Variants in FBXL7 observed in about 807,000 individuals in gnomAD.
FBXL7 encodes the protein F-box and leucine rich repeat protein 7.
Under a neutral mutation model 38.3 loss-of-function variants are expected in FBXL7, and 12 were observed. The ratio of observed to expected loss-of-function variants is 0.31; its 90% CI spans 0.20 to 0.51. The LOEUF is 0.51. Among genes scored for constraint, FBXL7 ranks in the 20% least tolerant of loss-of-function variants. The pLI is 0.98. For missense variants in FBXL7, 567 were observed against 676.4 expected (o/e 0.84, Z 1.79); for synonymous variants, 297 against 300.9 (o/e 0.99, Z 0.13).
chr5:15,890,307 G>A (rs557180938), intron 2 of FBXL7, among the ~76,000 whole-genome samples: 5 of 151,892 alleles, frequency 3.3e-5, no homozygotes, highest in South Asian at 2.1e-4. Flanking sequence ...AGGCTGGATC[G>A]CAGCACAATC....
At chr5:15,725,741 A>G (rs1038081234) in intron 2 of FBXL7, among the ~76,000 whole-genome samples, 5 of 152,032 alleles carry the variant, frequency 3.3e-5, no homozygotes, top group African/African-American at 1.2e-4. Context: ...TGTTCAAGCA[A>G]TTCTCTGCCT....
At chr5:15,541,689 C>T (rs1264905441) in intron 1 of FBXL7, among the ~76,000 whole-genome samples, 5 of 150,816 alleles carry the variant, frequency 3.3e-5, no homozygotes, top group Non-Finnish European at 7.4e-5. Flanking sequence ...GGATTACAGG[C>T]GCCCGCCACC....
At chr5:15,542,720 C>G (rs756144157) in intron 1 of FBXL7, among the ~76,000 whole-genome samples, 2 of 152,112 alleles carry the variant, frequency 1.3e-5, no homozygotes, top group African/African-American at 2.4e-5. Flanking sequence ...TCTATAAGAC[C>G]TTTTGCATGT....
intron 2 of FBXL7, among the ~76,000 whole-genome samples, chr5:15,738,140 G>A (rs930633067): frequency 6.6e-6 from 1 of 152,112 alleles, no homozygotes; most frequent in Non-Finnish European, 1.5e-5. Flanking sequence ...AATTAACACC[G>A]ACTCTACAGA....
chr5:15,704,663 T>C (rs78819322), intron 2 of FBXL7, among the ~76,000 whole-genome samples: 20 of 152,366 alleles, frequency 1.3e-4, no homozygotes, highest in African/African-American at 4.8e-4. Flanking sequence ...TTAAATACTA[T>C]TGCAAACAAG....
chr5:15,718,177 T>C (rs1744096246), intron 2 of FBXL7, among the ~76,000 whole-genome samples: 1 of 152,176 alleles, frequency 6.6e-6, no homozygotes, highest in African/African-American at 2.4e-5. Context: ...GCCGTGTATA[T>C]ATGTAAATGA....
At chr5:15,511,327 C>G (rs1736791175) in intron 1 of FBXL7, among the ~76,000 whole-genome samples, 1 of 152,138 alleles carries the variant, frequency 6.6e-6, no homozygotes, top group South Asian at 2.1e-4. Flanking sequence ...GAAAGTAGAG[C>G]TGAGAGGGTG....
intron 3 of FBXL7, chr5:15,935,263 G>C (rs772335729): frequency 1.9e-6 from 1 of 534,296 alleles, no homozygotes; most frequent in African/African-American, 1.9e-5. Flanking sequence ...TTGCACAGGG[G>C]CAAGCTTCGA....
chr5:15,567,857 TG>T (rs1471629515), intron 1 of FBXL7, among the ~76,000 whole-genome samples: 1 of 152,156 alleles, frequency 6.6e-6, no homozygotes, highest in African/African-American at 2.4e-5. Flanking sequence ...TTTGGTTTTT[TG>T]TCCTTGCGAT....
chr5:15,844,968 C>T (rs918168063), intron 2 of FBXL7, among the ~76,000 whole-genome samples: 2 of 152,166 alleles, frequency 1.3e-5, no homozygotes, highest in African/African-American at 2.4e-5. Context: ...TTCCTTAAGC[C>T]ACTGTGGCCT....
At chr5:15,711,167 G>T (rs1349880425) in intron 2 of FBXL7, among the ~76,000 whole-genome samples, 1 of 152,106 alleles carries the variant, frequency 6.6e-6, no homozygotes, top group Non-Finnish European at 1.5e-5. Flanking sequence ...AACTTATTTT[G>T]TGAATTGCCC....
intron 1 of FBXL7, among the ~76,000 whole-genome samples, chr5:15,561,427 G>A (rs2126437640): frequency 6.6e-6 from 1 of 152,184 alleles, no homozygotes; most frequent in East Asian, 1.9e-4. Context: ...GTATTCCGTT[G>A]TATAAATGCA....
intron 2 of FBXL7, among the ~76,000 whole-genome samples, chr5:15,879,379 C>T (rs953039177): frequency 6.6e-6 from 1 of 152,146 alleles, no homozygotes; most frequent in Non-Finnish European, 1.5e-5. Flanking sequence ...ATGAAGAACA[C>T]GTGTCCCTAG....
chr5:15,528,224 C>T (rs1737308966), intron 1 of FBXL7, among the ~76,000 whole-genome samples: 1 of 152,146 alleles, frequency 6.6e-6, no homozygotes, highest in African/African-American at 2.4e-5. Flanking sequence ...AGGGAAACTT[C>T]TCCTATGGAC....
chr5:15,525,299 G>T (rs1284629400), intron 1 of FBXL7, among the ~76,000 whole-genome samples: 1 of 152,042 alleles, frequency 6.6e-6, no homozygotes, highest in Non-Finnish European at 1.5e-5. Context: ...GACAATACTG[G>T]GAAGGCATCT....
intron 2 of FBXL7, among the ~76,000 whole-genome samples, chr5:15,823,813 C>T (rs1330492643): frequency 1.3e-5 from 2 of 152,294 alleles, no homozygotes; most frequent in South Asian, 2.1e-4. Flanking sequence ...TCAGTGACTC[C>T]TCAAAGACCC....
chr5:15,653,213 A>G (rs1268088231), intron 2 of FBXL7, among the ~76,000 whole-genome samples: 10 of 152,232 alleles, frequency 6.6e-5, no homozygotes, highest in African/African-American at 1.9e-4. Flanking sequence ...TTATGAAAAT[A>G]TAAGAGAAAA....
At chr5:15,916,445 G>A (rs542126284) in intron 2 of FBXL7, among the ~76,000 whole-genome samples, 3 of 152,234 alleles carry the variant, frequency 2.0e-5, no homozygotes, top group African/African-American at 7.2e-5. Context: ...AGCCTTGTGG[G>A]CCGTGAGCCC....
At chr5:15,786,215 T>C (rs1207635357) in intron 2 of FBXL7, among the ~76,000 whole-genome samples, 2 of 152,184 alleles carry the variant, frequency 1.3e-5, no homozygotes, top group Admixed American at 6.5e-5. Flanking sequence ...TGTTTTGAAA[T>C]TAAAATTAGA....
Sources: allele counts gnomAD v4.1 joint callset (sites outside exome capture counted in the v4.1 genomes callset), GRCh38; gene constraint gnomAD v4.1.1; transcripts MANE v1.5; gene names NCBI Gene and HGNC (gene_info 2026-07-23, HGNC 2026-07-21).